Variants in RYR3 observed in about 807,000 individuals in gnomAD.
The protein encoded by RYR3 is ryanodine receptor 3.
A neutral mutation model predicts 584.3 loss-of-function variants in RYR3; 207 were observed. That is an observed-to-expected ratio of 0.35 (90% CI 0.32 to 0.40). The LOEUF (loss-of-function observed/expected upper bound fraction) is 0.40, where lower values mean the gene tolerates loss of function less well. Ranked by LOEUF, RYR3 falls within the 10% of genes least tolerant of loss-of-function variation. RYR3 has a pLI of 1.00. For synonymous variants in RYR3, 2,416 were observed against 2,248.5 expected, an observed-to-expected ratio of 1.07 and a Z score of -2.11; for missense variants, 5,616 against 6,089.2, an observed-to-expected ratio of 0.92 and a Z score of 2.59.
intron 68 of RYR3, among the ~76,000 whole-genome samples, chr15:33,801,067 T>C (rs1226487114): frequency 6.6e-6 from 1 of 152,198 alleles, no homozygotes; most frequent in Non-Finnish European, 1.5e-5. Flanking sequence ...TACACTTCAG[T>C]GGGACAGAAG....
At chr15:33,759,947 C>T (rs556220884) in intron 60 of RYR3, among the ~76,000 whole-genome samples, 13 of 152,310 alleles carry the variant, frequency 8.5e-5, no homozygotes, top group African/African-American at 3.1e-4. Context: ...GATCTCTCAG[C>T]AGAAACCCTA....
At chr15:33,462,389 C>A (rs2048111225) in intron 1 of RYR3, among the ~76,000 whole-genome samples, 1 of 151,928 alleles carries the variant, frequency 6.6e-6, no homozygotes, top group African/African-American at 2.4e-5. Flanking sequence ...GGGGAAAATC[C>A]CAGAAAGCAC....
chr15:33,815,711 C>T (rs982396630), intron 74 of RYR3: 11 of 392,584 alleles, frequency 2.8e-5, no homozygotes, highest in African/African-American at 1.6e-4. Flanking sequence ...CTTCTCTTCT[C>T]CACCTTGTGA....
At chr15:33,860,819 C>T (rs1238749041) in intron 101 of RYR3, among the ~76,000 whole-genome samples, 160 bp downstream of exon 101, 1 of 150,876 alleles carries the variant, frequency 6.6e-6, no homozygotes, top group Non-Finnish European at 1.5e-5. Flanking sequence ...ATACCCCTGC[C>T]AGGCCGGCCA....
chr15:33,844,641 AAG>A (rs780779997), intron 92 of RYR3, among the ~76,000 whole-genome samples: 3 of 152,222 alleles, frequency 2.0e-5, no homozygotes, highest in African/African-American at 4.8e-5. Context: ...CTTTCTTCTC[AAG>A]AGATAGGTTT....
Position 33,837,911 on chromosome 15 carries a change from T to A in RYR3, c.11931T>A (p.Val3977=). 2 of 1,614,010 alleles carry A rather than the reference T, an allele frequency of 1.2e-6. No homozygotes were observed. Among genetic ancestry groups the A allele is most frequent in the Non-Finnish European group, 1.7e-6 (2 of 1,179,902 alleles). The stretch of plus-strand genomic sequence containing the variant: ...ATGAGAATGACATGTTTAATTACGT[T>A]GATTTTGTAGACCGGTTCCATGAGC... ...EADENDMFNY[V]DFVDRFHEPA... is the part of the protein sequence containing the mutation. Residue 3977 remains valine, a synonymous_variant, in exon 89 of 104, where the codon GTT becomes GTA. Coordinates refer to ENST00000634891, the MANE Select transcript of RYR3 (RefSeq NM_001036.6).
intron 8 of RYR3, among the ~76,000 whole-genome samples, chr15:33,547,602 G>C (rs1347004093): frequency 6.6e-6 from 1 of 152,120 alleles, no homozygotes. Context: ...CTTAACACGG[G>C]AAAGGAAGCA....
chr15:33,861,260 GA>G, intron 102 of RYR3, 82 bp downstream of exon 102: 4 of 1,035,124 alleles, frequency 3.9e-6, no homozygotes, highest in Non-Finnish European at 5.8e-6. Flanking sequence ...GTCTCTGCTG[GA>G]AAAAGAGTAA....
At chr15:33,631,505 T>C (rs2061265334) in intron 23 of RYR3, among the ~76,000 whole-genome samples, 1 of 152,172 alleles carries the variant, frequency 6.6e-6, no homozygotes, top group South Asian at 2.1e-4. Context: ...CCCTTCCACC[T>C]GGACCTCACA....
chr15:33,394,434 G>C (rs560451222), intron 1 of RYR3, among the ~76,000 whole-genome samples: 57 of 152,324 alleles, frequency 3.7e-4, no homozygotes, highest in African/African-American at 1.3e-3. Context: ...TACATGTTAT[G>C]TTCCAACTTT....
chr15:33,751,582 T>TG (rs1178897110), intron 57 of RYR3, among the ~76,000 whole-genome samples: 1 of 149,230 alleles, frequency 6.7e-6, no homozygotes, highest in Non-Finnish European at 1.5e-5. Context: ...TGATGAGGTT[T>TG]TTTTTTTTTT....
At chr15:33,534,794 A>C (rs1277098003) in intron 5 of RYR3, among the ~76,000 whole-genome samples, 6 of 152,216 alleles carry the variant, frequency 3.9e-5, no homozygotes, top group African/African-American at 1.4e-4. Context: ...TGAGCAGGAG[A>C]ACAGCCGGCC....
rs1398360657 is a variant in RYR3 at position 33,837,803 on chromosome 15, A to G, written c.11823A>G (p.Lys3941=). The G allele has an allele frequency of 6.2e-7, 1 of 1,613,884 alleles. No homozygotes were observed. Among genetic ancestry groups the G allele is most frequent in the Admixed American group, 1.7e-5 (1 of 60,002 alleles). The change falls in exon 89 of 104, where the codon AAA becomes AAG. Residue 3941 remains lysine, a synonymous_variant. Coordinates refer to ENST00000634891, the MANE Select transcript of RYR3 (RefSeq NM_001036.6). ...CAGATGGTAAAGGAATTATCTCCAA[A>G]AAAGAATTCCAGAAGGCCATGGAAG... ...YDPDGKGIIS[K]KEFQKAMEGQ...
At chr15:33,663,028 A>G in intron 35 of RYR3, 80 bp downstream of exon 35, 1 of 1,315,618 alleles carries the variant, frequency 7.6e-7, no homozygotes, top group Non-Finnish European at 1.1e-6. Context: ...ACTGAGGATT[A>G]AAGGAGGTAA....
At chr15:33,632,093 G>A (rs897162546) in intron 23 of RYR3, among the ~76,000 whole-genome samples, 5 of 152,244 alleles carry the variant, frequency 3.3e-5, no homozygotes, top group Non-Finnish European at 7.3e-5. Context: ...GCAGCATCCT[G>A]AAAAGGTGGA....
chr15:33,692,725 C>T (rs2065528565), intron 38 of RYR3, among the ~76,000 whole-genome samples: 1 of 151,532 alleles, frequency 6.6e-6, no homozygotes, highest in Non-Finnish European at 1.5e-5. Context: ...AATGGAGTGG[C>T]AGGTGTTTGC....
chr15:33,837,725 G>C lies in RYR3; in HGVS notation c.11745G>C (p.Met3915Ile), dbSNP rs2078130030. Residue 3915 changes from methionine (M) to isoleucine (I), a missense_variant, in exon 89 of 104, where the codon ATG (methionine) becomes ATC (isoleucine). Met to Ile is a conservative substitution (Grantham distance 10). Around this residue, in one of 9 missense-constraint regions of RYR3, gnomAD observed 258 missense variants for 297.3 expected, o/e 0.87. Transcript: ENST00000634891. ...AAATGATCTTGAAATTCTTTGACAT[G>C]TTCTTGAAACTTAAAGACTTAACCA... is the stretch of plus-strand genomic sequence containing the variant. ...NVEMILKFFD[M>I]FLKLKDLTSS... 1.2e-6 allele frequency: 2 copies of C among 1,612,880 alleles called. No homozygotes were observed. The highest frequency in any genetic ancestry group is 1.7e-6 in the Non-Finnish European group (2 of 1,179,304).
intron 1 of RYR3, among the ~76,000 whole-genome samples, chr15:33,470,208 G>A (rs1479955435): frequency 3.3e-5 from 5 of 152,078 alleles, no homozygotes; most frequent in African/African-American, 9.7e-5. Flanking sequence ...TGTCCCCCCA[G>A]CCCCCACCAC....
At chr15:33,313,148 T>A (rs1462667402) in intron 1 of RYR3, among the ~76,000 whole-genome samples, 1 of 152,224 alleles carries the variant, frequency 6.6e-6, no homozygotes, top group African/African-American at 2.4e-5. Context: ...CCTTATGTAT[T>A]TTTTAAGGTG....
Sources: allele counts gnomAD v4.1 joint callset (sites outside exome capture counted in the v4.1 genomes callset), GRCh38; gene constraint gnomAD v4.1.1; regional missense constraint gnomAD v4.1.1; transcripts MANE v1.5; gene names NCBI Gene and HGNC (gene_info 2026-07-23, HGNC 2026-07-21).